Variants in TNFAIP2 observed in about 807,000 individuals in gnomAD.
TNFAIP2 encodes the protein tumor necrosis factor alpha-induced protein 2.
TNFAIP2 carries 47 observed loss-of-function variants against 63.5 expected under a neutral mutation model. The observed-to-expected ratio is 0.74, with a 90% CI of 0.59 to 0.94. TNFAIP2 has a LOEUF of 0.94. TNFAIP2 is among the 40% of genes least tolerant of loss of function. TNFAIP2 has a pLI of 0.00. For synonymous variants in TNFAIP2, 405 were observed against 390.2 expected, an observed-to-expected ratio of 1.04 and a Z score of -0.45; for missense variants, 787 against 850.2, an observed-to-expected ratio of 0.93 and a Z score of 0.92.
Position 103,131,171 on chromosome 14 carries a change from T to C in TNFAIP2, c.1298+21T>C, listed in dbSNP as rs190112025. 3.0e-3 allele frequency: 4,798 copies of C among 1,612,600 alleles called. 22 individuals are homozygous for C. Among genetic ancestry groups the C allele is most frequent in the Non-Finnish European group, 3.2e-3 (3,775 of 1,178,844 alleles). On this transcript the variant is annotated intron_variant, in intron 7 of 11. Transcript: ENST00000560869. The surrounding 1 kb of genome is among the most constrained non-coding windows in gnomAD (Gnocchi z 4.0). ...TTCCGGTGAGAGTGTTGGGAGGGGC[T>C]TGCGGGAGTGGGAGTCACTCAGCGG... is the stretch of plus-strand genomic sequence containing the variant.
chr14:103,127,022 G>A lies in TNFAIP2; in HGVS notation c.253G>A (p.Ala85Thr). 1 of 1,180,636 alleles carries A rather than the reference G, an allele frequency of 8.5e-7. No homozygotes were observed. The highest frequency in any genetic ancestry group is 1.0e-6 in the Non-Finnish European group (1 of 952,804). The allele number at this position is 1,180,636 out of a possible 1,614,324, so 73.1% of individuals were successfully genotyped here. ...CGGCGCAGTGGAGGAGCTGAAGGCGGCGCTGGAGCGCGGGCAGCTGGAGGC... is the reference window on the plus strand; with the variant it reads ...CGGCGCAGTGGAGGAGCTGAAGGCGACGCTGGAGCGCGGGCAGCTGGAGGC... The part of the protein sequence containing the change: ...PPPTVEELKA[A>T]LERGQLEAAR... Residue 85 changes from alanine to threonine, a missense_variant, in exon 3 of 12, where the codon GCG becomes ACG. By Grantham distance (58) the Ala-to-Thr change is moderately conservative. Coordinates refer to ENST00000560869, the MANE Select transcript of TNFAIP2 (RefSeq NM_006291.4). This position sits in a 1 kb window ranked among gnomAD's most constrained non-coding sequence, Gnocchi z 5.1.
rs2087975536 is a variant in TNFAIP2 at position 103,131,632 on chromosome 14, CT to C, written c.1299-5del. On this transcript the variant is annotated splice_region_variant and splice_polypyrimidine_tract_variant and intron_variant, in intron 7 of 11. Coordinates refer to ENST00000560869, the MANE Select transcript of TNFAIP2 (RefSeq NM_006291.4). This position sits in a 1 kb window ranked among gnomAD's most constrained non-coding sequence, Gnocchi z 4.0. ...GCTGGGGTGACCTCTCTGCCTCCAC[CT>C]TCCAGGATGTCCATGGAGCAGAATT... 1.3e-6 allele frequency: 2 copies of C among 1,588,068 alleles called. No individual in the cohort carries two copies. Among genetic ancestry groups the C allele is most frequent in the East Asian group, 4.5e-5 (2 of 44,236 alleles).
At chr14:103,133,618 C>A in intron 10 of TNFAIP2, 64 bp from the exon 11 acceptor site, 1 of 1,556,478 alleles carries the variant, frequency 6.4e-7, no homozygotes, top group South Asian at 1.2e-5. Flanking sequence ...CTCTCTAAGC[C>A]CAACGAGTCG....
rs1219850363 is a variant in TNFAIP2, at chr14:103,136,050, C to T, written c.*690C>T. On this transcript the variant is annotated 3_prime_UTR_variant, in exon 12 of 12. Transcript: ENST00000560869. ...AGGCCTCAACTAGAGGGTGGTCCCC[C>T]GAGGGCTTGGTGTCTACTACCGAAG... 12 of 1,252,318 alleles carry T rather than the reference C, an allele frequency of 9.6e-6. No homozygotes were observed. The Admixed American group carries it at 1.8e-4, about 19-fold the overall frequency. The allele number at this position is 1,252,318 out of a possible 1,614,324, so 77.6% of individuals were successfully genotyped here. A position where few individuals can be genotyped will look rare whatever the true frequency, so the allele number is the denominator to read the frequency against.
rs1368313744 is a variant in TNFAIP2, at chr14:103,137,165, G to C, written c.*1805G>C. On this transcript the variant is annotated 3_prime_UTR_variant, in exon 12 of 12. Transcript: ENST00000560869. ...CTGAGAGGGGGCCCTTCGGACTCAG[G>C]CATGACTCAGCCCGGCTGATGCCTC... is the stretch of plus-strand genomic sequence containing the variant. 1 of 152,216 alleles carries C rather than the reference G, an allele frequency of 6.6e-6. No individual in the cohort carries two copies. Among genetic ancestry groups the C allele is most frequent in the African/African-American group, 2.4e-5 (1 of 41,434 alleles). The allele number at this position is 152,216 out of a possible 1,614,324, so 9.4% of individuals were successfully genotyped here.
At chr14:103,133,656 C>T (rs776911742) in intron 10 of TNFAIP2, 26 bp from the exon 11 acceptor site, 7 of 1,549,840 alleles carry the variant, frequency 4.5e-6, no homozygotes, top group Middle Eastern at 3.8e-4. Flanking sequence ...ACCCCTGGGT[C>T]CCTCCAACCA....
Position 103,129,731 on chromosome 14 carries a change from T to TG in TNFAIP2, c.861-8dup, listed in dbSNP as rs1282803917. The TG allele has an allele frequency of 1.2e-6, 2 of 1,612,852 alleles. No homozygotes were observed. The highest frequency in any genetic ancestry group is 2.7e-5 in the African/African-American group (2 of 74,876). Reference sequence around the variant, plus strand: ...TAGTTGTCCTCATGCCAGCCTCCCCTGCCTGCAGTGACATCATCAACAGCC... The same window carrying TG: ...TAGTTGTCCTCATGCCAGCCTCCCCTGGCCTGCAGTGACATCATCAACAGCC... On this transcript the variant is annotated splice_polypyrimidine_tract_variant and intron_variant, in intron 3 of 11. Coordinates refer to ENST00000560869, the MANE Select transcript of TNFAIP2 (RefSeq NM_006291.4).
At position 103,126,351 on chromosome 14, in the gene TNFAIP2, C is replaced by A; in HGVS notation, c.-107C>A. ...ACCAGGGTGATGCTGAAGATGATGA[C>A]CTTCTTCCAAGGCCTCTAGAGCCAT... On this transcript the variant is annotated 5_prime_UTR_variant, in exon 2 of 12. Transcript: ENST00000560869. The A allele has an allele frequency of 2.6e-6, 2 of 760,502 alleles. No individual in the cohort carries two copies. Among genetic ancestry groups the A allele is most frequent in the Non-Finnish European group, 2.1e-6 (1 of 470,928 alleles). 47.1% of individuals were successfully genotyped at this position (760,502 alleles called of 1,614,324 possible). A position where few individuals can be genotyped will look rare whatever the true frequency, so the allele number is the denominator to read the frequency against.
rs2234124 is a variant in TNFAIP2 at position 103,125,865 on chromosome 14, C to T, written c.-148-445C>T. 5.9e-3 allele frequency among the ~76,000 whole-genome samples: 905 copies of T among 152,266 alleles called. 10 individuals carry two copies. Among genetic ancestry groups the T allele is most frequent in the African/African-American group, 0.02 (849 of 41,546 alleles). On this transcript the variant is annotated intron_variant, in intron 1 of 11. Transcript: ENST00000560869. ...AGGCCGGTTCTGGTGTTCTAGACCC[C>T]GGCATGTCCCAGACCTTTCTGGACC... is the stretch of plus-strand genomic sequence containing the variant.
Position 103,126,332 on chromosome 14 carries a change from G to T in TNFAIP2, c.-126G>T. On this transcript the variant is annotated 5_prime_UTR_variant, in exon 2 of 12. Transcript: ENST00000560869. ...CAGGAGCCTGCAGGCCTGAACCAGG[G>T]TGATGCTGAAGATGATGACCTTCTT... 1 of 683,928 alleles carries T rather than the reference G, an allele frequency of 1.5e-6. No individual in the cohort carries two copies. The highest frequency in any genetic ancestry group is 2.7e-5 in the East Asian group (1 of 36,514). The allele number at this position is 683,928 out of a possible 1,614,324, so 42.4% of individuals were successfully genotyped here. A position where few individuals can be genotyped will look rare whatever the true frequency, so the allele number is the denominator to read the frequency against.
chr14:103,121,943 AT>A (rs1398309697), upstream of TNFAIP2, among the ~76,000 whole-genome samples: 4 of 152,076 alleles, frequency 2.6e-5, no homozygotes, highest in African/African-American at 7.2e-5. Flanking sequence ...GGATTGCACA[AT>A]GAGGCCACAG....
chr14:103,132,682 TGC>T (rs1192105157), intron 8 of TNFAIP2, 66 bp from the exon 9 acceptor site: 7 of 1,567,608 alleles, frequency 4.5e-6, no homozygotes, highest in African/African-American at 4.0e-5. Flanking sequence ...TCTGCGTGTC[TGC>T]GTGTCTGCGG....
In TNFAIP2 at chr14:103,127,786, T is replaced by A. The variant is rs886475355; in HGVS notation, c.860+157T>A. Among the ~76,000 whole-genome samples, 1 of 152,066 alleles carries A rather than the reference T, an allele frequency of 6.6e-6. No homozygotes were observed. The highest frequency in any genetic ancestry group is 2.4e-5 in the African/African-American group (1 of 41,388). On this transcript the variant is annotated intron_variant, in intron 3 of 11. Transcript: ENST00000560869. This position sits in a 1 kb window ranked among gnomAD's most constrained non-coding sequence, Gnocchi z 5.1. ...ATGCAGGGGTGGGACTTGGACTCCC[T>A]GGGGCAGAGCCTGGACAGGCAGAGA...
intron 1 of TNFAIP2, chr14:103,124,434 C>A (rs547103970): frequency 6.5e-6 from 1 of 152,672 alleles, no homozygotes; most frequent in African/African-American, 2.4e-5. Context: ...GACCTTCAGG[C>A]GCTCTGGGTT....
At chr14:103,128,506 T>C (rs571648728) in intron 3 of TNFAIP2, among the ~76,000 whole-genome samples, 2 of 152,136 alleles carry the variant, frequency 1.3e-5, no homozygotes, top group Non-Finnish European at 2.9e-5. Context: ...GGGGCTGTTA[T>C]TGTGGGGCTT....
chr14:103,134,318 A>G (rs74582369), intron 11 of TNFAIP2, among the ~76,000 whole-genome samples: 3,646 of 152,304 alleles, frequency 0.024, 142 homozygotes, highest in African/African-American at 0.084. Context: ...AGCTTCGCCA[A>G]GTCCAGTCCC....
chr14:103,131,903 G>A lies in TNFAIP2; in HGVS notation c.1422+141G>A, dbSNP rs1474567341. Reference sequence around the variant, plus strand: ...GGCCTGTGGACGGCACCGTGGGCCAGCTCTGGTGCAGCGGTGATGCCCGGT... The same window carrying A: ...GGCCTGTGGACGGCACCGTGGGCCAACTCTGGTGCAGCGGTGATGCCCGGT... On this transcript the variant is annotated intron_variant, in intron 8 of 11. Transcript: ENST00000560869. This position sits in a 1 kb window ranked among gnomAD's most constrained non-coding sequence, Gnocchi z 4.0. 1.6e-6 allele frequency: 2 copies of A among 1,247,462 alleles called. No individual in the cohort carries two copies. The highest frequency in any genetic ancestry group is 1.5e-5 in the South Asian group (1 of 66,024). 77.3% of individuals were successfully genotyped at this position (1,247,462 alleles called of 1,614,324 possible).
In TNFAIP2 at chr14:103,135,962, G is replaced by T. The variant is rs1296849259; in HGVS notation, c.*602G>T. On this transcript the variant is annotated 3_prime_UTR_variant, in exon 12 of 12. Coordinates refer to ENST00000560869, the MANE Select transcript of TNFAIP2 (RefSeq NM_006291.4). This position sits in a 1 kb window ranked among gnomAD's most constrained non-coding sequence, Gnocchi z 7.6. Reference sequence around the variant, plus strand: ...CAGCATTAGACGTCACATCCAGGTGGCCCCACGGCCCCTACAGGCTGGCCC... The same window carrying T: ...CAGCATTAGACGTCACATCCAGGTGTCCCCACGGCCCCTACAGGCTGGCCC... 3.1e-6 allele frequency: 4 copies of T among 1,289,556 alleles called. No individual in the cohort carries two copies. The highest frequency in any genetic ancestry group is 4.0e-6 in the Non-Finnish European group (4 of 988,948). The allele number at this position is 1,289,556 out of a possible 1,614,324, so 79.9% of individuals were successfully genotyped here.
chr14:103,130,185 C>T (rs1256155286), intron 5 of TNFAIP2, 61 bp downstream of exon 5: 1 of 1,580,750 alleles, frequency 6.3e-7, no homozygotes, highest in South Asian at 1.1e-5. Context: ...GAGCCCCACG[C>T]ACATTCCGTC....
Sources: gnomAD v4.1 joint callset for allele counts (sites outside exome capture counted in the v4.1 genomes callset) on GRCh38, gnomAD v4.1.1 for gene constraint, Gnocchi (gnomAD v3.1) non-coding constraint, MANE v1.5 for transcripts, NCBI Gene and HGNC (gene_info 2026-07-23, HGNC 2026-07-21) for gene names.